Variants in TMEM223 observed in about 807,000 individuals in gnomAD.
TMEM223 encodes the protein transmembrane protein 223.
Under a neutral mutation model 14.1 loss-of-function variants are expected in TMEM223, and 14 were observed. The ratio of observed to expected loss-of-function variants is 0.99; its 90% CI spans 0.66 to 1.55. The LOEUF (loss-of-function observed/expected upper bound fraction) is 1.55, where lower values mean the gene tolerates loss of function less well. Ranked by LOEUF, TMEM223 falls within the 40% of genes most tolerant of loss-of-function variation. The pLI, the probability that TMEM223 is intolerant of heterozygous loss-of-function variation, is 0.00. For synonymous variants in TMEM223, 145 were observed against 120.5 expected (o/e 1.20, Z -1.33); for missense variants, 346 against 269.9 (o/e 1.28, Z -1.97).
In TMEM223 at chr11:62,791,725, G is replaced by T; in HGVS notation, c.270C>A (p.Arg90=). Residue 90 remains arginine, a synonymous_variant, in exon 1 of 2, where the codon CGC becomes CGA. Coordinates refer to ENST00000307366, the MANE Select transcript of TMEM223 (RefSeq NM_001080501.3). ...CCAGACCGTAGCGCCAGAGCGCGGAGCGCAGGTCGAAGGGGCCACGATTTG... is the reference window on the plus strand; with the variant it reads ...CCAGACCGTAGCGCCAGAGCGCGGATCGCAGGTCGAAGGGGCCACGATTTG... ...EVPNRGPFDL[R]SALWRYGLAV... 1 of 1,555,488 alleles carries T rather than the reference G, an allele frequency of 6.4e-7. No homozygotes were observed. The highest frequency in any genetic ancestry group is 8.7e-7 in the Non-Finnish European group (1 of 1,149,774).
downstream of TMEM223, chr11:62,787,784 G>A: frequency 5.9e-6 from 4 of 682,294 alleles, no homozygotes; most frequent in South Asian, 4.6e-5. Flanking sequence ...GGTGGAGTCG[G>A]GTTTCGTGGC....
intron 1 of TMEM223, chr11:62,778,334 G>A (rs1412974192): frequency 2.4e-5 from 38 of 1,614,038 alleles, no homozygotes; most frequent in Middle Eastern, 1.6e-4. Flanking sequence ...CTCAAGGATC[G>A]GGTAAGGGGT....
intron 1 of TMEM223, chr11:62,777,887 T>C: frequency 2.1e-6 from 3 of 1,462,470 alleles, no homozygotes; most frequent in African/African-American, 1.4e-5. Flanking sequence ...AAACGTGGGC[T>C]CTCTGCTCTG....
chr11:62,774,546 C>T (rs990694785), intron 2 of TMEM223: 1 of 454,146 alleles, frequency 2.2e-6, no homozygotes, highest in Admixed American at 2.3e-5. Context: ...TGGATCTGGG[C>T]CTTCCTGTCT....
At chr11:62,782,049 G>A (rs1433161045) in intron 1 of TMEM223, 1 of 1,591,768 alleles carries the variant, frequency 6.3e-7, no homozygotes. Flanking sequence ...GGCAAGTGCT[G>A]TCAGAATGGT....
intron 1 of TMEM223, 130 bp from the exon 2 acceptor site, chr11:62,791,045 C>CT: frequency 6.2e-6 from 6 of 974,440 alleles, no homozygotes; most frequent in Non-Finnish European, 7.3e-6. Flanking sequence ...TTTTTTGAGA[C>CT]TGAGTCTCAC....
downstream of TMEM223, chr11:62,782,698 A>G: frequency 6.2e-7 from 1 of 1,612,146 alleles, no homozygotes; most frequent in Admixed American, 1.7e-5. Flanking sequence ...CACAGGACTC[A>G]TGGGGACCTT....
intron 1 of TMEM223, chr11:62,781,793 T>C: frequency 9.7e-7 from 1 of 1,026,204 alleles, no homozygotes; most frequent in Non-Finnish European, 1.5e-6. Flanking sequence ...ATTAAAATTG[T>C]AAAACATGAA....
chr11:62,780,990 C>T (rs1359376717), intron 1 of TMEM223, among the ~76,000 whole-genome samples: 3 of 130,356 alleles, frequency 2.3e-5, no homozygotes, highest in East Asian at 2.4e-4. Flanking sequence ...AATCTCAGCA[C>T]TTTGGGAGGC....
downstream of TMEM223, among the ~76,000 whole-genome samples, chr11:62,783,578 A>G (rs2134720089): frequency 1.4e-5 from 2 of 142,300 alleles, no homozygotes; most frequent in Middle Eastern, 3.9e-3. Context: ...CTTGTCGCCC[A>G]GGCTAGAGTA....
intron 1 of TMEM223, among the ~76,000 whole-genome samples, chr11:62,779,972 A>ATTT (rs1367245372): frequency 5.7e-4 from 35 of 61,472 alleles, no homozygotes; most frequent in African/African-American, 1.7e-3. Flanking sequence ...ATATATATAT[A>ATTT]TATATTTTTT....
chr11:62,786,896 C>T (rs765153894), downstream of TMEM223: 9 of 1,552,044 alleles, frequency 5.8e-6, no homozygotes, highest in Non-Finnish European at 6.9e-6. Flanking sequence ...CAGCTGACGG[C>T]AAGCGCCATA....
downstream of TMEM223, chr11:62,786,661 G>A (rs2084280355): frequency 6.2e-7 from 1 of 1,611,382 alleles, no homozygotes; most frequent in African/African-American, 1.3e-5. Flanking sequence ...GGGCGGTGCA[G>A]AACCCAGCTT....
At chr11:62,774,162 C>T (rs999499865) in intron 2 of TMEM223, among the ~76,000 whole-genome samples, 1 of 151,722 alleles carries the variant, frequency 6.6e-6, no homozygotes, top group African/African-American at 2.4e-5. Context: ...CTGCAATCTC[C>T]GCCTCCTGGG....
intron 1 of TMEM223, chr11:62,776,464 C>T (rs776295470): frequency 9.9e-6 from 16 of 1,613,344 alleles, no homozygotes; most frequent in Admixed American, 1.7e-5. Context: ...GATGGAGCAG[C>T]GTGGAGGTGA....
downstream of TMEM223, chr11:62,782,765 T>G (rs139505440): frequency 1.2e-4 from 198 of 1,613,300 alleles, no homozygotes; most frequent in African/African-American, 2.5e-3. Context: ...TGGCAGATCC[T>G]GTGCGGCCGC....
At chr11:62,788,944 T>A, downstream of TMEM223, 2 of 1,455,978 alleles carry the variant, frequency 1.4e-6, no homozygotes, top group South Asian at 2.7e-5. Flanking sequence ...CATTCCTAAG[T>A]TATCACTAAC....
At chr11:62,775,766 C>A (rs776945206) in intron 1 of TMEM223, 2 of 1,598,580 alleles carry the variant, frequency 1.3e-6, no homozygotes, top group Non-Finnish European at 8.5e-7. Context: ...ATTCTCCACT[C>A]CCAGCTCCAC....
chr11:62,771,933 G>A (rs933446354), exon 3 of TMEM223: 2 of 356,948 alleles, frequency 5.6e-6, no homozygotes, highest in Non-Finnish European at 1.1e-5. Flanking sequence ...GGTCACCAAG[G>A]GGTGGGTCTC....
Sources: allele counts gnomAD v4.1 joint callset (sites outside exome capture counted in the v4.1 genomes callset), GRCh38; gene constraint gnomAD v4.1.1; transcripts MANE v1.5; gene names NCBI Gene and HGNC (gene_info 2026-07-23, HGNC 2026-07-21).